Variants in CALN1 observed in about 807,000 individuals in gnomAD.
CALN1 encodes calneuron 1.
In CALN1, 17 loss-of-function variants were observed where a neutral mutation model predicts 30.6. The observed-to-expected ratio is 0.56, with a 90% CI of 0.38 to 0.83. The LOEUF (loss-of-function observed/expected upper bound fraction) is 0.83. Ranked by LOEUF, CALN1 falls within the 40% of genes least tolerant of loss-of-function variation. CALN1 has a pLI of 0.00. For synonymous variants in CALN1, 156 were observed against 131.4 expected (o/e 1.19, Z -1.28); for missense variants, 291 against 354.9 (o/e 0.82, Z 1.45).
At chr7:72,076,790 T>C (rs1293238084) in intron 4 of CALN1, among the ~76,000 whole-genome samples, 1 of 152,068 alleles carries the variant, frequency 6.6e-6, no homozygotes, top group Non-Finnish European at 1.5e-5. Flanking sequence ...CCAGGTTGGG[T>C]GAAGGGAACT....
At chr7:72,499,366 T>A in the CALN1 span, among the ~76,000 whole-genome samples, 1 of 152,096 alleles carries the variant, frequency 6.6e-6, no homozygotes, top group Admixed American at 6.6e-5. Flanking sequence ...AGAGGAATAA[T>A]ATTATTTGGA....
intron 5 of CALN1, among the ~76,000 whole-genome samples, chr7:71,840,465 A>G (rs1290509434): frequency 2.8e-5 from 4 of 140,550 alleles, no homozygotes; most frequent in Non-Finnish European, 6.0e-5. Context: ...AGCCTGGGTG[A>G]CACAGTAAGA....
intron 2 of CALN1, among the ~76,000 whole-genome samples, chr7:72,341,989 C>T (rs1802407045): frequency 6.6e-6 from 1 of 152,018 alleles, no homozygotes; most frequent in African/African-American, 2.4e-5. Flanking sequence ...CAGTGGCTCA[C>T]ACTTGTAATA....
intron 3 of CALN1, among the ~76,000 whole-genome samples, chr7:72,109,846 C>G (rs549038136): frequency 1.2e-4 from 18 of 152,000 alleles, no homozygotes; most frequent in Admixed American, 1.3e-4. Flanking sequence ...GCTGGTGCAG[C>G]CTTCCCCCTC....
intron 3 of CALN1, among the ~76,000 whole-genome samples, chr7:72,224,541 T>G (rs1793533587): frequency 6.6e-6 from 1 of 152,110 alleles, no homozygotes; most frequent in African/African-American, 2.4e-5. Flanking sequence ...CTCAGCACTT[T>G]GGGAGGCCAA....
chr7:72,281,422 T>C (rs1481647415), intron 2 of CALN1, among the ~76,000 whole-genome samples: 1 of 152,222 alleles, frequency 6.6e-6, no homozygotes, highest in Non-Finnish European at 1.5e-5. Context: ...ACACTTCTTA[T>C]GTGATTTCAA....
chr7:72,446,784 T>C (rs1473563908), intron 1 of CALN1, among the ~76,000 whole-genome samples: 1 of 152,104 alleles, frequency 6.6e-6, no homozygotes, highest in Non-Finnish European at 1.5e-5. Context: ...CCAAACCACT[T>C]TGACAGCTGG....
At chr7:72,408,759 C>T (rs1400937617) in intron 1 of CALN1, among the ~76,000 whole-genome samples, 1 of 141,876 alleles carries the variant, frequency 7.0e-6, no homozygotes, top group African/African-American at 2.7e-5. Flanking sequence ...TCCCTGCAGC[C>T]TCAACCTCCC....
intron 3 of CALN1, among the ~76,000 whole-genome samples, chr7:72,199,410 A>AG (rs1294863834): frequency 6.6e-6 from 1 of 152,160 alleles, no homozygotes; most frequent in Non-Finnish European, 1.5e-5. Flanking sequence ...AACAGCCTAA[A>AG]TCTAGAAGGA....
intron 3 of CALN1, among the ~76,000 whole-genome samples, chr7:72,249,316 G>A (rs967379737): frequency 5.9e-5 from 9 of 152,152 alleles, no homozygotes; most frequent in African/African-American, 1.9e-4. Flanking sequence ...CACAGCTCAT[G>A]AAACCATCAT....
the CALN1 span, among the ~76,000 whole-genome samples, chr7:72,473,049 C>T: frequency 6.6e-6 from 1 of 152,128 alleles, no homozygotes; most frequent in African/African-American, 2.4e-5. Context: ...TGGCCCCAAC[C>T]AAACTCCAAG....
chr7:72,433,688 G>T (rs895864569), intron 1 of CALN1, among the ~76,000 whole-genome samples: 9 of 152,136 alleles, frequency 5.9e-5, no homozygotes, highest in Admixed American at 2.6e-4. Flanking sequence ...GGGTCTCAGG[G>T]TAGCAAGAAG....
chr7:71,863,083 G>A (rs12672393), intron 5 of CALN1, among the ~76,000 whole-genome samples: 10,228 of 148,828 alleles, frequency 0.069, 740 homozygotes, highest in East Asian at 0.41. Flanking sequence ...AACATAGGGA[G>A]ACCCCTATAT....
chr7:72,453,933 A>G, the CALN1 span, among the ~76,000 whole-genome samples: 3 of 152,104 alleles, frequency 2.0e-5, no homozygotes, highest in African/African-American at 4.8e-5. Flanking sequence ...CCACATTAGT[A>G]TATCAAGAAG....
intron 1 of CALN1, among the ~76,000 whole-genome samples, chr7:72,424,678 C>T (rs1807740542): frequency 6.6e-6 from 1 of 152,076 alleles, no homozygotes; most frequent in Non-Finnish European, 1.5e-5. Flanking sequence ...CTCACTGCAG[C>T]CTCAAACTTC....
At chr7:72,067,075 C>T (rs952405934) in intron 4 of CALN1, among the ~76,000 whole-genome samples, 4 of 152,040 alleles carry the variant, frequency 2.6e-5, no homozygotes, top group African/African-American at 9.7e-5. Context: ...AGGTGTGAGC[C>T]ACCACGCCCA....
chr7:72,005,591 C>T (rs975793477), intron 5 of CALN1, among the ~76,000 whole-genome samples: 6 of 152,144 alleles, frequency 3.9e-5, no homozygotes, highest in African/African-American at 1.4e-4. Flanking sequence ...CTCAGCCTCC[C>T]AAGTGCTAGG....
intron 5 of CALN1, among the ~76,000 whole-genome samples, chr7:72,020,173 C>T (rs1022592217): frequency 6.6e-6 from 1 of 152,328 alleles, no homozygotes; most frequent in East Asian, 1.9e-4. Flanking sequence ...AATCCTCCTG[C>T]CTCAGCTCCA....
intron 2 of CALN1, among the ~76,000 whole-genome samples, chr7:72,334,590 C>T (rs1562898160): frequency 6.6e-6 from 1 of 152,136 alleles, no homozygotes; most frequent in Non-Finnish European, 1.5e-5. Context: ...CGTTTCTCAA[C>T]AGAAGCAGCT....
Sources: allele counts gnomAD v4.1 joint callset (sites outside exome capture counted in the v4.1 genomes callset), GRCh38; gene constraint gnomAD v4.1.1; transcripts MANE v1.5; gene names NCBI Gene and HGNC (gene_info 2026-07-23, HGNC 2026-07-21).